The following SAMD5 variants were observed in gnomAD, a reference collection of about 807,000 sequenced individuals.
SAMD5 encodes the protein sterile alpha motif domain containing 5.
A neutral mutation model predicts 11.3 loss-of-function variants in SAMD5; 13 were observed. That is an observed-to-expected ratio of 1.15 (90% CI 0.75 to 1.83). SAMD5 has a LOEUF of 1.83. Ranked by LOEUF, SAMD5 falls within the 40% of genes most tolerant of loss-of-function variation. The pLI, the probability that SAMD5 is intolerant of heterozygous loss-of-function variation, is 0.00. For synonymous variants in SAMD5, 129 were observed against 111.3 expected, an observed-to-expected ratio of 1.16 and a Z score of -1.00; for missense variants, 255 against 239.1, an observed-to-expected ratio of 1.07 and a Z score of -0.44.
At chr6:147,532,314 C>T (rs547407968) in intron 1 of SAMD5, among the ~76,000 whole-genome samples, 68 of 149,588 alleles carry the variant, frequency 4.5e-4, no homozygotes, top group Non-Finnish European at 8.7e-4. Context: ...CTCCCTGAGT[C>T]CCCAAAGTCC....
At chr6:147,861,759 C>T in the SAMD5 span, among the ~76,000 whole-genome samples, 1 of 152,104 alleles carries the variant, frequency 6.6e-6, no homozygotes, top group Non-Finnish European at 1.5e-5. Context: ...TTCCAGGACC[C>T]ATCCTTAAAG....
At chr6:147,517,992 T>C (rs1194468897) in intron 1 of SAMD5, among the ~76,000 whole-genome samples, 3 of 152,136 alleles carry the variant, frequency 2.0e-5, no homozygotes, top group East Asian at 1.9e-4. Flanking sequence ...TTTATAAATA[T>C]GCAAATTCCT....
chr6:147,665,663 G>A (rs1022269701), intron 1 of SAMD5, among the ~76,000 whole-genome samples: 2 of 152,096 alleles, frequency 1.3e-5, no homozygotes, highest in Admixed American at 1.3e-4. Flanking sequence ...TTCCACAACT[G>A]GAGCCCCTGA....
chr6:147,946,403 A>C, the SAMD5 span, among the ~76,000 whole-genome samples: 3 of 152,222 alleles, frequency 2.0e-5, no homozygotes, highest in Admixed American at 2.0e-4. Context: ...ACATCTCTGG[A>C]ATAAATTAAT....
At chr6:147,800,018 C>T in the SAMD5 span, among the ~76,000 whole-genome samples, 1 of 152,092 alleles carries the variant, frequency 6.6e-6, no homozygotes, top group Non-Finnish European at 1.5e-5. Context: ...GTTTGAATGT[C>T]CTCCCGTAGC....
Position 147,565,740 on chromosome 6 carries a change from G to T in SAMD5, c.*1284G>T, listed in dbSNP as rs1018981050. 3.6e-5 allele frequency: 35 copies of T among 984,312 alleles called. No individual in the cohort carries two copies. The South Asian group carries it at 1.5e-3, about 42-fold the overall frequency. The allele number at this position is 984,312 out of a possible 1,614,324, so 61.0% of individuals were successfully genotyped here. The stretch of plus-strand genomic sequence containing the variant: ...CTCCAGTAGCGCTGGGATTACAGGC[G>T]TGAGCCATCACACCCGGCCTGGATG... On this transcript the variant is annotated 3_prime_UTR_variant, in exon 2 of 2. Transcript: ENST00000367474.
chr6:147,923,847 G>C, the SAMD5 span, among the ~76,000 whole-genome samples: 1 of 152,206 alleles, frequency 6.6e-6, no homozygotes. Flanking sequence ...AGGGGCAGCT[G>C]TCACCAGCAA....
At chr6:147,896,262 C>T in the SAMD5 span, among the ~76,000 whole-genome samples, 34 of 152,090 alleles carry the variant, frequency 2.2e-4, no homozygotes, top group East Asian at 1.5e-3. Context: ...AGGGATAAGA[C>T]GGCCAAGGTC....
At chr6:147,897,726 C>G in the SAMD5 span, among the ~76,000 whole-genome samples, 2 of 152,110 alleles carry the variant, frequency 1.3e-5, no homozygotes, top group African/African-American at 4.8e-5. Flanking sequence ...GGGTGGATCA[C>G]TTGAGGTCGG....
chr6:147,888,010 T>A, the SAMD5 span, among the ~76,000 whole-genome samples: 1 of 152,220 alleles, frequency 6.6e-6, no homozygotes, highest in Non-Finnish European at 1.5e-5. Flanking sequence ...TGGATTGTTT[T>A]TATTACCAAA....
chr6:147,734,488 G>A (rs1241010886), intron 1 of SAMD5, among the ~76,000 whole-genome samples: 1 of 151,868 alleles, frequency 6.6e-6, no homozygotes, highest in Non-Finnish European at 1.5e-5. Context: ...AGACCGAGGC[G>A]GGCGGATCAC....
chr6:147,760,338 G>A, the SAMD5 span, among the ~76,000 whole-genome samples: 2 of 152,228 alleles, frequency 1.3e-5, no homozygotes, highest in African/African-American at 2.4e-5. Flanking sequence ...AATTAAAATT[G>A]CCATGACCAT....
the SAMD5 span, among the ~76,000 whole-genome samples, chr6:147,746,289 C>A: frequency 6.6e-6 from 1 of 152,130 alleles, no homozygotes; most frequent in African/African-American, 2.4e-5. Context: ...GAAGCTGTCT[C>A]CTGGGCTGCT....
chr6:147,720,187 C>A (rs2128459160), intron 1 of SAMD5, among the ~76,000 whole-genome samples: 1 of 152,318 alleles, frequency 6.6e-6, no homozygotes, highest in East Asian at 1.9e-4. Flanking sequence ...TTTAAACCTT[C>A]CATGGTCTCC....
chr6:147,642,142 A>G (rs1790321669), intron 1 of SAMD5, among the ~76,000 whole-genome samples: 1 of 152,246 alleles, frequency 6.6e-6, no homozygotes, highest in Non-Finnish European at 1.5e-5. Flanking sequence ...GTAAGAAAAT[A>G]ATGAGCTAGA....
At chr6:147,564,243 GC>G (rs1443783234) in intron 1 of SAMD5, 150 bp from the exon 2 acceptor site, 1 of 506,018 alleles carries the variant, frequency 2.0e-6, no homozygotes, top group Non-Finnish European at 3.6e-6. Flanking sequence ...TAGATAACAA[GC>G]AAAAACTCTT....
chr6:147,586,927 C>T lies in SAMD5; in HGVS notation c.162+77540C>T, dbSNP rs573935318. Among the ~76,000 whole-genome samples the T allele has an allele frequency of 6.6e-5, 10 of 152,152 alleles. No individual in the cohort carries two copies. In the East Asian group the frequency reaches 1.9e-3, roughly 29 times the overall value. On this transcript the variant is annotated intron_variant, in intron 1 of 1. Coordinates refer to the SAMD5 transcript ENST00000566741. ...ATTATTTGTACATAAATTATATTAACACTAATTCCATTGTTCCTCATCTAC... is the reference window on the plus strand; with the variant it reads ...ATTATTTGTACATAAATTATATTAATACTAATTCCATTGTTCCTCATCTAC...
Position 147,569,860 on chromosome 6 carries a change from T to G in SAMD5, c.*5404T>G. 1.0e-6 allele frequency: 1 copy of G among 985,214 alleles called. No individual in the cohort carries two copies. The highest frequency in any genetic ancestry group is 1.2e-6 in the Non-Finnish European group (1 of 829,714). 61.0% of individuals were successfully genotyped at this position (985,214 alleles called of 1,614,324 possible). On this transcript the variant is annotated 3_prime_UTR_variant, in exon 2 of 2. Coordinates refer to ENST00000367474, the MANE Select transcript of SAMD5 (RefSeq NM_001030060.3). Reference sequence around the variant, plus strand: ...GTAAATGTAATTGCAATTGACACTTTCTTTTCCCTTTCAGTTATTATTTTT... The same window carrying G: ...GTAAATGTAATTGCAATTGACACTTGCTTTTCCCTTTCAGTTATTATTTTT...
the SAMD5 span, among the ~76,000 whole-genome samples, chr6:147,770,397 T>A: frequency 6.6e-6 from 1 of 152,204 alleles, no homozygotes; most frequent in African/African-American, 2.4e-5. Context: ...TAAATCCACA[T>A]GAACTTATGA....
Sources: gnomAD v4.1 joint callset for allele counts (sites outside exome capture counted in the v4.1 genomes callset) on GRCh38, gnomAD v4.1.1 for gene constraint, MANE v1.5 for transcripts, NCBI Gene and HGNC (gene_info 2026-07-23, HGNC 2026-07-21) for gene names.